The following AK3 variants were observed in gnomAD, a reference collection of about 807,000 sequenced individuals.
AK3 encodes GTP:AMP phosphotransferase AK3, mitochondrial.
Under a neutral mutation model 23.7 loss-of-function variants are expected in AK3, and 27 were observed. The observed-to-expected ratio is 1.14, with a 90% CI of 0.84 to 1.57. The LOEUF (loss-of-function observed/expected upper bound fraction) is 1.57, where lower values mean the gene tolerates loss of function less well. Among genes scored for constraint, AK3 ranks in the 40% most tolerant of loss-of-function variants. The pLI is 0.00. For missense variants in AK3, 406 were observed against 285.6 expected (o/e 1.42, Z -3.04); for synonymous variants, 159 against 116.0 (o/e 1.37, Z -2.38).
Position 4,718,498 on chromosome 9 carries a change from C to G in AK3, c.484G>C (p.Glu162Gln), listed in dbSNP as rs756744534. ...ATAACCGTCTCTGGTTTATCATCCT[C>G]ACGCTGAATGAGAGGCTCCCCAGTC... is the stretch of plus-strand genomic sequence containing the variant. ...DLTGEPLIQR[E>Q]DDKPETVIKR... Residue 162 changes from glutamate (E) to glutamine (Q), a missense_variant, in exon 4 of 5, where the codon GAG becomes CAG. Glu to Gln is a conservative substitution (Grantham distance 29). Transcript: ENST00000381809. The G allele has an allele frequency of 7.4e-6, 12 of 1,613,706 alleles. No individual in the cohort carries two copies. Among genetic ancestry groups the G allele is most frequent in the Admixed American group, 5.0e-5 (3 of 59,998 alleles).
intron 4 of AK3, 120 bp downstream of exon 4, chr9:4,718,299 C>G (rs1587639589): frequency 2.7e-6 from 2 of 745,436 alleles, no homozygotes; most frequent in East Asian, 2.5e-5. Flanking sequence ...TCCTTTATTA[C>G]TTAAGCCCAT....
Position 4,719,173 on chromosome 9 carries a change from G to A in AK3, c.406C>T (p.Arg136Ter), listed in dbSNP as rs1161941370. 20 of 1,611,636 alleles carry A rather than the reference G, an allele frequency of 1.2e-5. No homozygotes were observed. Among genetic ancestry groups the A allele is most frequent in the East Asian group, 2.2e-5 (1 of 44,898 alleles). Residue 136 changes from arginine (R) to a stop codon, truncating the protein, a stop_gained, in exon 3 of 5, where the codon CGA becomes TGA. Transcript: ENST00000381809. LOFTEE classifies it high-confidence loss of function. Reference sequence around the variant, plus strand: ...GGGTTGAATTCAATGTTATAGACTCGGCCACTGGCGGGATGAATCCAGCGA... The same window carrying A: ...GGGTTGAATTCAATGTTATAGACTCAGCCACTGGCGGGATGAATCCAGCGA... Reference protein sequence around the residue: ...TARWIHPASGRVYNIEFNPPK... With the variant: ...TARWIHPASG
chr9:4,741,032 C>G lies in AK3; in HGVS notation c.56G>C (p.Gly19Ala). 6.3e-7 allele frequency: 1 copy of G among 1,582,320 alleles called. No homozygotes were observed. The highest frequency in any genetic ancestry group is 8.6e-7 in the Non-Finnish European group (1 of 1,166,710). ...GATGCGCGACGACACGGTGCCCTTGCCCGAGCCCGGGGCCCCCATGATCAC... is the reference window on the plus strand; with the variant it reads ...GATGCGCGACGACACGGTGCCCTTGGCCGAGCCCGGGGCCCCCATGATCAC... ...RAVIMGAPGS[G>A]KGTVSSRITT... is the part of the protein sequence containing the mutation. Residue 19 changes from glycine (G) to alanine (A), a missense_variant, in exon 1 of 5, where the codon GGC becomes GCC. Transcript: ENST00000381809.
At chr9:4,716,584 A>G (rs1841730681) in intron 4 of AK3, among the ~76,000 whole-genome samples, 1 of 152,228 alleles carries the variant, frequency 6.6e-6, no homozygotes, top group Admixed American at 6.5e-5. Flanking sequence ...AGTAACAGCT[A>G]CTACAAAAAA....
chr9:4,716,565 C>A (rs1236342494), intron 4 of AK3, among the ~76,000 whole-genome samples: 2 of 152,122 alleles, frequency 1.3e-5, no homozygotes, highest in African/African-American at 4.8e-5. Flanking sequence ...AAACAAATGA[C>A]AAAATTATAG....
intron 1 of AK3, among the ~76,000 whole-genome samples, chr9:4,730,864 G>T (rs949656257): frequency 3.3e-5 from 5 of 151,924 alleles, no homozygotes; most frequent in Non-Finnish European, 5.9e-5. Context: ...TATAGTTATT[G>T]TGAAAAAAAT....
chr9:4,722,673 C>T, intron 1 of AK3, 48 bp from the exon 2 acceptor site: 1 of 1,611,978 alleles, frequency 6.2e-7, no homozygotes, highest in Non-Finnish European at 8.5e-7. Context: ...TGTTTTATCC[C>T]ATTCCAGGCA....
Position 4,727,882 on chromosome 9 carries a change from T to C in AK3, c.152-5257A>G, listed in dbSNP as rs141427152. Among the ~76,000 whole-genome samples the C allele has an allele frequency of 1.9e-3, 287 of 152,290 alleles. 1 individual carries two copies. The highest frequency in any genetic ancestry group is 6.1e-3 in the African/African-American group (254 of 41,570). On this transcript the variant is annotated intron_variant, in intron 1 of 4. Coordinates refer to ENST00000381809, the MANE Select transcript of AK3 (RefSeq NM_016282.4). The stretch of plus-strand genomic sequence containing the variant: ...TTAGAGGCCACTGTAGGGTTATTAG[T>C]TGGCCTAATTTCAATATTGTTGTGT...
At chr9:4,725,284 T>C (rs1841998441) in intron 1 of AK3, among the ~76,000 whole-genome samples, 1 of 151,738 alleles carries the variant, frequency 6.6e-6, no homozygotes, top group Non-Finnish European at 1.5e-5. Flanking sequence ...CCCAAAGTGC[T>C]GGGATTACAG....
chr9:4,714,208 A>ACCTCCACACATTCG (rs1335118020), intron 4 of AK3, among the ~76,000 whole-genome samples: 1 of 31,436 alleles, frequency 3.2e-5, no homozygotes, highest in African/African-American at 8.8e-5. Flanking sequence ...CCACATATAC[A>ACCTCCACACATTCG]CCTCCACACA....
chr9:4,740,318 G>C (rs374240566), intron 1 of AK3, among the ~76,000 whole-genome samples: 1 of 152,012 alleles, frequency 6.6e-6, no homozygotes, highest in Admixed American at 6.6e-5. Context: ...GAATTTATTT[G>C]GCATGAGAAA....
intron 1 of AK3, among the ~76,000 whole-genome samples, chr9:4,725,786 A>C (rs1842010535): frequency 6.6e-6 from 1 of 152,242 alleles, no homozygotes. Flanking sequence ...CTTCAACGAT[A>C]TACAAATGGC....
chr9:4,736,548 A>G (rs147512040), intron 1 of AK3, among the ~76,000 whole-genome samples: 2 of 152,176 alleles, frequency 1.3e-5, no homozygotes, highest in East Asian at 3.9e-4. Flanking sequence ...ACAGGTGTAC[A>G]TAATAATGTT....
At chr9:4,723,241 A>T (rs892166394) in intron 1 of AK3, among the ~76,000 whole-genome samples, 1 of 152,228 alleles carries the variant, frequency 6.6e-6, no homozygotes, top group African/African-American at 2.4e-5. Flanking sequence ...TTGAAAATAT[A>T]TATGTACTTT....
At position 4,736,472 on chromosome 9, in the gene AK3, C is replaced by CA. The variant is rs34296493; in HGVS notation, c.151+4464dup. ...TTACAAATTAAATGTTTTACCATTC[C>CA]AAAAAAAAAAAAAAACAACTCCGCT... On this transcript the variant is annotated intron_variant, in intron 1 of 4. Transcript: ENST00000381809. Among the ~76,000 whole-genome samples, 105 of 81,282 alleles carry CA rather than the reference C, an allele frequency of 1.3e-3. 1 individual carries two copies. Among genetic ancestry groups the CA allele is most frequent in the African/African-American group, 2.3e-3 (56 of 24,530 alleles). The allele number at this position is 81,282 out of a possible 152,430, so 53.3% of individuals were successfully genotyped here.
At chr9:4,715,312 A>G (rs1268821193) in intron 4 of AK3, among the ~76,000 whole-genome samples, 3 of 151,842 alleles carry the variant, frequency 2.0e-5, no homozygotes, top group Non-Finnish European at 4.4e-5. Flanking sequence ...GAGCCTAGAA[A>G]GACTTCTAAA....
chr9:4,731,594 A>T (rs1475305910), intron 1 of AK3, among the ~76,000 whole-genome samples: 2 of 151,886 alleles, frequency 1.3e-5, no homozygotes, highest in Non-Finnish European at 2.9e-5. Context: ...AAAAGACTTA[A>T]CTCCCTAATC....
chr9:4,740,561 A>T (rs898109760), intron 1 of AK3, among the ~76,000 whole-genome samples: 1 of 152,230 alleles, frequency 6.6e-6, no homozygotes, highest in Non-Finnish European at 1.5e-5. Context: ...AGCAGGGCTA[A>T]TGACAGTCTT....
At position 4,712,050 on chromosome 9, in the gene AK3, C is replaced by G. The variant is rs1467302812; in HGVS notation, c.*926G>C. On this transcript the variant is annotated 3_prime_UTR_variant, in exon 5 of 5. Coordinates refer to ENST00000381809, the MANE Select transcript of AK3 (RefSeq NM_016282.4). ...TATTTACATAGTGCCACGGGTTTCT[C>G]TTTTTTCTTCTCTTTTTTATTGGCG... 1.3e-5 allele frequency: 2 copies of G among 152,138 alleles called. No homozygotes were observed. The highest frequency in any genetic ancestry group is 2.9e-5 in the Non-Finnish European group (2 of 68,016). 9.4% of individuals were successfully genotyped at this position (152,138 alleles called of 1,614,324 possible). A position where few individuals can be genotyped will look rare whatever the true frequency, so the allele number is the denominator to read the frequency against.
Sources: gnomAD v4.1 joint callset for allele counts (sites outside exome capture counted in the v4.1 genomes callset) on GRCh38, gnomAD v4.1.1 for gene constraint, MANE v1.5 for transcripts, NCBI Gene and HGNC (gene_info 2026-07-23, HGNC 2026-07-21) for gene names.